Variants in PPFIA2 observed in about 807,000 individuals in gnomAD.
PPFIA2 encodes the protein liprin-alpha-2.
PPFIA2 carries 46 observed loss-of-function variants against 175.5 expected under a neutral mutation model. The ratio of observed to expected loss-of-function variants is 0.26; its 90% confidence interval spans 0.21 to 0.34. The LOEUF (loss-of-function observed/expected upper bound fraction) is 0.34. Ranked by LOEUF, PPFIA2 falls within the 10% of genes least tolerant of loss-of-function variation. PPFIA2 has a pLI of 1.00. For missense variants in PPFIA2, 1,179 were observed against 1,506.1 expected, an observed-to-expected ratio of 0.78 and a Z score of 3.60; for synonymous variants, 568 against 511.4, an observed-to-expected ratio of 1.11 and a Z score of -1.49.
At chr12:81,707,681 C>A (rs368614812) in intron 3 of PPFIA2, among the ~76,000 whole-genome samples, 2,102 of 150,732 alleles carry the variant, frequency 0.014, 27 homozygotes, top group South Asian at 0.042. Flanking sequence ...GGTATATACC[C>A]AAAGGACTAT....
At chr12:81,733,907 T>C (rs891196030) in intron 3 of PPFIA2, among the ~76,000 whole-genome samples, 3 of 151,744 alleles carry the variant, frequency 2.0e-5, no homozygotes, top group African/African-American at 7.2e-5. Context: ...ACATGTTACA[T>C]TGCCACCAGG....
At chr12:81,751,611 A>AAG (rs199650451) in intron 3 of PPFIA2, among the ~76,000 whole-genome samples, 1 of 150,338 alleles carries the variant, frequency 6.7e-6, no homozygotes, top group African/African-American at 2.4e-5. Context: ...GTAAGAGAGA[A>AAG]AGAGAGAGAG....
intron 4 of PPFIA2, among the ~76,000 whole-genome samples, chr12:81,598,898 A>C (rs1189140960): frequency 6.6e-6 from 1 of 152,034 alleles, no homozygotes; most frequent in Non-Finnish European, 1.5e-5. Context: ...TCAGTGCTTC[A>C]AAAAGTACCA....
intron 4 of PPFIA2, among the ~76,000 whole-genome samples, chr12:81,560,581 A>ACT (rs1393041929): frequency 1.3e-5 from 2 of 152,016 alleles, no homozygotes; most frequent in South Asian, 2.1e-4. Context: ...AGAAAACCAG[A>ACT]CTCTCTCTCA....
At chr12:81,610,005 A>T (rs2060725858) in intron 4 of PPFIA2, among the ~76,000 whole-genome samples, 1 of 152,158 alleles carries the variant, frequency 6.6e-6, no homozygotes, top group African/African-American at 2.4e-5. Context: ...TTGTCTGAGA[A>T]GGATTTTATT....
chr12:81,299,807 G>C (rs1297055175), intron 22 of PPFIA2, among the ~76,000 whole-genome samples: 1 of 152,118 alleles, frequency 6.6e-6, no homozygotes, highest in Non-Finnish European at 1.5e-5. Flanking sequence ...CTTATATAGA[G>C]AGGCAGAAGA....
In PPFIA2 at chr12:81,681,063, A is replaced by G. The variant is rs572366799; in HGVS notation, c.250-4219T>C. Among the ~76,000 whole-genome samples, 4 of 152,112 alleles carry G rather than the reference A, an allele frequency of 2.6e-5. 1 individual carries two copies. The South Asian group carries it at 8.3e-4, about 32-fold the overall frequency. On this transcript the variant is annotated intron_variant, in intron 3 of 32. Transcript: ENST00000549396. Reference sequence around the variant, plus strand: ...TGCTGACTGTGTAAGTAACAAACATAAAACCATTTGGATTCATCGTCTCCT... The same window carrying G: ...TGCTGACTGTGTAAGTAACAAACATGAAACCATTTGGATTCATCGTCTCCT...
At chr12:81,391,935 G>A (rs1470135270) in intron 8 of PPFIA2, among the ~76,000 whole-genome samples, 2 of 151,822 alleles carry the variant, frequency 1.3e-5, no homozygotes, top group African/African-American at 2.4e-5. Flanking sequence ...GGATATAGAT[G>A]GAAATATGAT....
intron 7 of PPFIA2, among the ~76,000 whole-genome samples, chr12:81,435,017 T>C (rs1029112965): frequency 6.6e-6 from 1 of 152,200 alleles, no homozygotes; most frequent in Non-Finnish European, 1.5e-5. Context: ...GCAACTTCAT[T>C]CTTTTTACAT....
chr12:81,312,291 A>C, intron 22 of PPFIA2: 1 of 958,908 alleles, frequency 1.0e-6, no homozygotes, highest in Non-Finnish European at 1.6e-6. Flanking sequence ...GAGAAAGCTC[A>C]GGTATGAGAA....
rs1005999534 is a variant in PPFIA2 at position 81,568,778 on chromosome 12, A to T, written c.303+108013T>A. ...TGGCCTTCCTTTTCTTCCATTCCCCATCTTGATGGAGAGGAATAGACTCTC... is the reference window on the plus strand; with the variant it reads ...TGGCCTTCCTTTTCTTCCATTCCCCTTCTTGATGGAGAGGAATAGACTCTC... On this transcript the variant is annotated intron_variant, in intron 4 of 32. Transcript: ENST00000549396. Among the ~76,000 whole-genome samples the T allele has an allele frequency of 2.6e-5, 4 of 152,046 alleles. No individual in the cohort carries two copies. The South Asian group carries it at 6.2e-4, about 24-fold the overall frequency.
intron 4 of PPFIA2, among the ~76,000 whole-genome samples, chr12:81,479,758 C>T (rs913892552): frequency 6.6e-6 from 1 of 151,510 alleles, no homozygotes; most frequent in Non-Finnish European, 1.5e-5. Context: ...GGCCTCCACT[C>T]TTCTGCAGAG....
At chr12:81,600,479 T>C (rs1385546639) in intron 4 of PPFIA2, among the ~76,000 whole-genome samples, 5 of 151,934 alleles carry the variant, frequency 3.3e-5, no homozygotes, top group Non-Finnish European at 7.4e-5. Flanking sequence ...ATTTATTTCC[T>C]TAACTATAAC....
chr12:81,567,751 G>A (rs1490327605), intron 4 of PPFIA2, among the ~76,000 whole-genome samples: 1 of 152,188 alleles, frequency 6.6e-6, no homozygotes, highest in African/African-American at 2.4e-5. Context: ...GGGCTTATGT[G>A]TCTCTTCATT....
At chr12:81,711,780 CA>C (rs2077961528) in intron 3 of PPFIA2, among the ~76,000 whole-genome samples, 1 of 149,208 alleles carries the variant, frequency 6.7e-6, no homozygotes, top group South Asian at 2.1e-4. Flanking sequence ...GCTATACTTA[CA>C]TTTTTTTTTT....
chr12:81,470,603 C>T (rs935413832), intron 4 of PPFIA2, among the ~76,000 whole-genome samples: 3 of 152,138 alleles, frequency 2.0e-5, no homozygotes, highest in African/African-American at 7.2e-5. Flanking sequence ...TATGTCCACA[C>T]AGAATCTTGT....
chr12:81,362,513 C>G (rs1271356433), intron 15 of PPFIA2, among the ~76,000 whole-genome samples, 180 bp downstream of exon 15: 1 of 151,446 alleles, frequency 6.6e-6, no homozygotes, highest in East Asian at 1.9e-4. Context: ...CAGAAATAAT[C>G]TCTAAGTTAA....
At chr12:81,653,150 T>C (rs2067264656) in intron 4 of PPFIA2, among the ~76,000 whole-genome samples, 1 of 152,070 alleles carries the variant, frequency 6.6e-6, no homozygotes, top group South Asian at 2.1e-4. Context: ...TTCACTTAAT[T>C]TTAAGAGCAA....
At chr12:81,383,029 C>T (rs2038094034) in intron 9 of PPFIA2, among the ~76,000 whole-genome samples, 1 of 152,116 alleles carries the variant, frequency 6.6e-6, no homozygotes, top group East Asian at 1.9e-4. Context: ...AAGAAGTCCT[C>T]TGGAAAATGG....
Sources: allele counts gnomAD v4.1 joint callset (sites outside exome capture counted in the v4.1 genomes callset), GRCh38; gene constraint gnomAD v4.1.1; transcripts MANE v1.5; gene names NCBI Gene and HGNC (gene_info 2026-07-23, HGNC 2026-07-21).